Variants in DEPDC1B observed in about 807,000 individuals in gnomAD.
The protein encoded by DEPDC1B is DEP domain containing 1B.
DEPDC1B carries 51 observed loss-of-function variants against 66.5 expected under a neutral mutation model. That is an observed-to-expected ratio of 0.77 (90% CI 0.61 to 0.97). The LOEUF (loss-of-function observed/expected upper bound fraction) is 0.97, where lower values mean the gene tolerates loss of function less well. Among genes scored for constraint, DEPDC1B ranks in the 50% least tolerant of loss-of-function variants. The pLI is 0.00. For synonymous variants in DEPDC1B, 226 were observed against 223.6 expected (o/e 1.01, Z -0.10); for missense variants, 552 against 637.1 (o/e 0.87, Z 1.44).
chr5:60,619,323 C>T (rs1344016377), intron 7 of DEPDC1B, among the ~76,000 whole-genome samples: 1 of 152,098 alleles, frequency 6.6e-6, no homozygotes, highest in Admixed American at 6.6e-5. Context: ...AAAGGGTATT[C>T]GATTAGGAAA....
At chr5:60,666,475 C>T (rs1753843953) in intron 2 of DEPDC1B, among the ~76,000 whole-genome samples, 1 of 152,180 alleles carries the variant, frequency 6.6e-6, no homozygotes, top group African/African-American at 2.4e-5. Flanking sequence ...CGATGTGGTA[C>T]TCTCCCCTTT....
chr5:60,614,947 T>C (rs971979846), intron 7 of DEPDC1B, among the ~76,000 whole-genome samples: 14 of 152,168 alleles, frequency 9.2e-5, no homozygotes, highest in African/African-American at 3.1e-4. Flanking sequence ...GCCAAGATCA[T>C]GTCACTGCAC....
At chr5:60,598,456 T>C (rs1752137977) in intron 10 of DEPDC1B, among the ~76,000 whole-genome samples, 1 of 152,202 alleles carries the variant, frequency 6.6e-6, no homozygotes, top group Non-Finnish European at 1.5e-5. Context: ...ACATGTACGG[T>C]GTTCCCTGAA....
chr5:60,606,697 G>A (rs1319640514), intron 7 of DEPDC1B, among the ~76,000 whole-genome samples: 1 of 151,384 alleles, frequency 6.6e-6, no homozygotes, highest in African/African-American at 2.4e-5. Context: ...GGAAGCTGAA[G>A]GAGGAGAACT....
intron 1 of DEPDC1B, 27 bp downstream of exon 1, chr5:60,700,019 C>T (rs776982777): frequency 6.5e-7 from 1 of 1,548,742 alleles, no homozygotes; most frequent in East Asian, 2.4e-5. Flanking sequence ...CCGGGTGCTC[C>T]GCCCAGGCCC....
chr5:60,645,768 T>C (rs2111881559), intron 3 of DEPDC1B, 149 bp from the exon 4 acceptor site: 1 of 826,570 alleles, frequency 1.2e-6, no homozygotes, highest in Non-Finnish European at 1.7e-6. Flanking sequence ...ATTAGAAATA[T>C]AAACTAACTT....
At position 60,677,326 on chromosome 5, in the gene DEPDC1B, A is replaced by ACTCTCTCTCTCTCTCT. The variant is rs70975391; in HGVS notation, c.314+9620_314+9635dup. Among the ~76,000 whole-genome samples, 215 of 108,538 alleles carry ACTCTCTCTCTCTCTCT rather than the reference A, an allele frequency of 2.0e-3. 3 individuals carry two copies. The highest frequency in any genetic ancestry group is 7.7e-3 in the African/African-American group (195 of 25,278). The allele number at this position is 108,538 out of a possible 152,430, so 71.2% of individuals were successfully genotyped here. A position where few individuals can be genotyped will look rare whatever the true frequency, so the allele number is the denominator to read the frequency against. On this transcript the variant is annotated intron_variant, in intron 2 of 10. Transcript: ENST00000265036. The stretch of plus-strand genomic sequence containing the variant: ...CACACACACACACACACACACACAC[A>ACTCTCTCTCTCTCTCT]CTCTCTCTCTCTCTCTCTCTCTCTC...
At chr5:60,681,297 G>A (rs937371161) in intron 2 of DEPDC1B, among the ~76,000 whole-genome samples, 4 of 152,116 alleles carry the variant, frequency 2.6e-5, no homozygotes, top group Non-Finnish European at 2.9e-5. Context: ...CACCCAGAGC[G>A]GCAGGACCAG....
At chr5:60,626,947 C>T in intron 7 of DEPDC1B, among the ~76,000 whole-genome samples, 1 of 152,030 alleles carries the variant, frequency 6.6e-6, no homozygotes, top group East Asian at 1.9e-4. Context: ...CAAAGAGATA[C>T]ATGGGAAAAG....
At chr5:60,618,375 AT>A (rs1752615673) in intron 7 of DEPDC1B, among the ~76,000 whole-genome samples, 1 of 152,204 alleles carries the variant, frequency 6.6e-6, no homozygotes. Flanking sequence ...GATCAACAAA[AT>A]TGATAGACTG....
chr5:60,699,603 A>C (rs6449484), intron 1 of DEPDC1B, among the ~76,000 whole-genome samples: 1 of 151,766 alleles, frequency 6.6e-6, no homozygotes, highest in African/African-American at 2.4e-5. Context: ...GGCACCGTTT[A>C]TTCGAATACC....
At chr5:60,672,584 C>T (rs944708234) in intron 2 of DEPDC1B, among the ~76,000 whole-genome samples, 1 of 152,212 alleles carries the variant, frequency 6.6e-6, no homozygotes, top group Non-Finnish European at 1.5e-5. Context: ...CCTCCCCTGA[C>T]ATGTGGGGAT....
intron 2 of DEPDC1B, among the ~76,000 whole-genome samples, chr5:60,659,575 T>C (rs1173243219): frequency 6.6e-6 from 1 of 152,194 alleles, no homozygotes; most frequent in Admixed American, 6.5e-5. Context: ...AGCAGAAAGC[T>C]GTCATCCCGA....
At chr5:60,619,803 T>C (rs1561361551) in intron 7 of DEPDC1B, among the ~76,000 whole-genome samples, 2 of 152,286 alleles carry the variant, frequency 1.3e-5, no homozygotes, top group Admixed American at 6.5e-5. Flanking sequence ...AAAGTTCATA[T>C]GGAACCAAAC....
chr5:60,601,423 C>T (rs1384063228), intron 9 of DEPDC1B, among the ~76,000 whole-genome samples: 1 of 152,214 alleles, frequency 6.6e-6, no homozygotes, highest in Non-Finnish European at 1.5e-5. Context: ...AATGAACACT[C>T]TCTTATACCA....
At position 60,603,549 on chromosome 5, in the gene DEPDC1B, G is replaced by C. The variant is rs140019112; in HGVS notation, c.1084C>G (p.Arg362Gly). The change falls in exon 9 of 11, where the codon CGT becomes GGT. Residue 362 changes from arginine to glycine, a missense_variant. Arg to Gly is a moderately radical substitution (Grantham distance 125). Coordinates refer to ENST00000265036, the MANE Select transcript of DEPDC1B (RefSeq NM_018369.3). Reference protein sequence around the residue: ...TRTLMVQTFSRCILCSKDEVD... With the variant: ...TRTLMVQTFSGCILCSKDEVD... Reference sequence around the variant, plus strand: ...TCATCCTTGGAACACAAGATGCAACGGGAAAATGTCTGAACCATCTAAAAA... The same window carrying C: ...TCATCCTTGGAACACAAGATGCAACCGGAAAATGTCTGAACCATCTAAAAA... 3.1e-6 allele frequency: 5 copies of C among 1,604,150 alleles called. No individual in the cohort carries two copies. The South Asian group carries it at 5.6e-5, about 18-fold the overall frequency.
intron 2 of DEPDC1B, among the ~76,000 whole-genome samples, chr5:60,686,715 G>A (rs1419620423): frequency 3.9e-5 from 6 of 152,226 alleles, no homozygotes; most frequent in African/African-American, 1.4e-4. Flanking sequence ...CAAAAGGCAT[G>A]AAAAGATTAC....
intron 9 of DEPDC1B, among the ~76,000 whole-genome samples, chr5:60,601,952 TG>T (rs1454543933): frequency 1.3e-5 from 2 of 152,142 alleles, no homozygotes; most frequent in Admixed American, 6.6e-5. Context: ...AGCACAGACA[TG>T]TTATATAATT....
chr5:60,679,849 C>G (rs1307018019), intron 2 of DEPDC1B, among the ~76,000 whole-genome samples: 1 of 152,162 alleles, frequency 6.6e-6, no homozygotes, highest in African/African-American at 2.4e-5. Flanking sequence ...TTGTATAGAA[C>G]CCACTAAGTT....
Sources: gnomAD v4.1 joint callset for allele counts (sites outside exome capture counted in the v4.1 genomes callset) on GRCh38, gnomAD v4.1.1 for gene constraint, MANE v1.5 for transcripts, NCBI Gene and HGNC (gene_info 2026-07-23, HGNC 2026-07-21) for gene names.